The following TTN variants were observed in gnomAD, a reference collection of about 807,000 sequenced individuals.
TTN encodes the protein titin, also known as connectin.
A neutral mutation model predicts 3,223.0 loss-of-function variants in TTN; 1,525 were observed. That is an observed-to-expected ratio of 0.47 (90% CI 0.45 to 0.49). The LOEUF is 0.49. Among genes scored for constraint, TTN ranks in the 20% least tolerant of loss-of-function variants. TTN has a pLI of 0.00. For missense variants in TTN, 40,786 were observed against 43,424.0 expected (o/e 0.94, Z 5.40); for synonymous variants, 14,094 against 15,161.0 (o/e 0.93, Z 5.17).
chr2:178,731,409 C>A lies in TTN; in HGVS notation c.17357G>T (p.Ser5786Ile), dbSNP rs1553924253. The change falls in exon 59 of 363, where the codon AGT becomes ATT. Residue 5786 changes from serine (S) to isoleucine (I), a missense_variant. Coordinates refer to ENST00000589042, the MANE Select transcript of TTN (RefSeq NM_001267550.2). ...GACTTCAATGCCACTGAGGTACAAA[C>A]TGGCCACATTGTTCTCAAAGGTCAT... is the stretch of plus-strand genomic sequence containing the variant. ...IRMTFENNVA[S>I]LYLSGIEVKH... is the part of the protein sequence containing the mutation. 3.1e-6 allele frequency: 5 copies of A among 1,613,820 alleles called. No homozygotes were observed. The East Asian group carries it at 6.7e-5, about 22-fold the overall frequency.
chr2:178,553,790 C>A lies in TTN; in HGVS notation c.89215G>T (p.Ala29739Ser). ...GTTGAATCTGCGATTCTTATCTTAG[C>A]AGGTGGACCTGGAGGATCTGGAATG... The part of the protein sequence containing the change: ...ADPIDPPGPP[A>S]KIRIADSTKS... Residue 29739 changes from alanine to serine, a missense_variant, in exon 334 of 363, where the codon GCT becomes TCT. By Grantham distance (99) the Ala-to-Ser change is moderately conservative. Transcript: ENST00000589042. 1 of 1,598,752 alleles carries A rather than the reference C, an allele frequency of 6.3e-7. No individual in the cohort carries two copies. Among genetic ancestry groups the A allele is most frequent in the Non-Finnish European group, 8.5e-7 (1 of 1,171,356 alleles).
rs775357802 is a variant in TTN at position 178,587,164 on chromosome 2, G to A, written c.64047C>T (p.Gly21349=). ...RVTAVNEYGP[G]VPTDVPKPVL... is the part of the protein sequence containing the mutation. ...CTGGTTTTGGGACATCTGTTGGGACGCCAGGGCCATATTCGTTGACAGCAG... is the reference window on the plus strand; with the variant it reads ...CTGGTTTTGGGACATCTGTTGGGACACCAGGGCCATATTCGTTGACAGCAG... The change falls in exon 307 of 363, where the codon GGC becomes GGT. Residue 21349 remains glycine, a synonymous_variant. Coordinates refer to ENST00000589042, the MANE Select transcript of TTN (RefSeq NM_001267550.2). 7.4e-6 allele frequency: 12 copies of A among 1,613,098 alleles called. No individual in the cohort carries two copies. Among genetic ancestry groups the A allele is most frequent in the Middle Eastern group, 1.6e-4 (1 of 6,076 alleles).
chr2:178,768,905 G>A lies in TTN; in HGVS notation c.8931C>T (p.Asp2977=), dbSNP rs1366405933. ...TPIMITSMLK[D]INAEEKDTIT... is the part of the protein sequence containing the mutation. ...TAGTGTCTTTTTCTTCAGCGTTGAT[G>A]TCTTTCAGCATGGAAGTAATCATGA... Residue 2977 remains aspartate, a synonymous_variant, in exon 38 of 363, where the codon GAC becomes GAT. Coordinates refer to ENST00000589042, the MANE Select transcript of TTN (RefSeq NM_001267550.2). 3 of 1,613,792 alleles carry A rather than the reference G, an allele frequency of 1.9e-6. No individual in the cohort carries two copies. The highest frequency in any genetic ancestry group is 4.5e-5 in the East Asian group (2 of 44,822).
rs1705903957 is a variant in TTN at position 178,566,463 on chromosome 2, G to C, written c.79669C>G (p.Gln26557Glu). ...RFEISKLTEH[Q>E]EYKIRVCALN... ...GCACAGACTCGTATTTTATACTCTTGGTGTTCAGTGAGTTTTGAAATTTCA... is the reference window on the plus strand; with the variant it reads ...GCACAGACTCGTATTTTATACTCTTCGTGTTCAGTGAGTTTTGAAATTTCA... Residue 26557 changes from glutamine to glutamate, a missense_variant, in exon 326 of 363, where the codon CAA becomes GAA. Coordinates refer to ENST00000589042, the MANE Select transcript of TTN (RefSeq NM_001267550.2). 6.2e-7 allele frequency: 1 copy of C among 1,613,408 alleles called. No homozygotes were observed. Among genetic ancestry groups the C allele is most frequent in the Non-Finnish European group, 8.5e-7 (1 of 1,179,684 alleles).
At chr2:178,805,286 G>A (rs1348145172) in intron 1 of TTN, among the ~76,000 whole-genome samples, 3 of 146,334 alleles carry the variant, frequency 2.1e-5, no homozygotes, top group African/African-American at 5.1e-5. Context: ...GGAGGTTGCA[G>A]TGAGCAAAGA....
chr2:178,745,821 T>C (rs766212039), intron 47 of TTN: 7 of 1,613,272 alleles, frequency 4.3e-6, no homozygotes, highest in East Asian at 2.2e-5. Context: ...GCTGTACCTA[T>C]TGGTGCATAA....
chr2:178,563,010 T>G lies in TTN; in HGVS notation c.83122A>C (p.Lys27708Gln). 6.2e-7 allele frequency: 1 copy of G among 1,613,704 alleles called. No individual in the cohort carries two copies. Among genetic ancestry groups the G allele is most frequent in the Non-Finnish European group, 8.5e-7 (1 of 1,179,706 alleles). ...TIKGRPEPEV[K>Q]WEKAEGILTD... The stretch of plus-strand genomic sequence containing the variant: ...AGAATGCCTTCTGCCTTTTCCCATT[T>G]AACTTCGGGTTCTGGTCGACCTTTG... Residue 27708 changes from lysine (K) to glutamine (Q), a missense_variant, in exon 326 of 363, where the codon AAA (lysine) becomes CAA (glutamine). By Grantham distance (53) the Lys-to-Gln change is moderately conservative (BLOSUM62 1). Transcript: ENST00000589042. The surrounding 1 kb of genome is among the most constrained non-coding windows in gnomAD (Gnocchi z 4.5).
chr2:178,598,922 T>C lies in TTN; in HGVS notation c.56788A>G (p.Arg18930Gly), dbSNP rs727503595. 6.2e-6 allele frequency: 10 copies of C among 1,612,938 alleles called. No homozygotes were observed. The highest frequency in any genetic ancestry group is 8.5e-6 in the Non-Finnish European group (10 of 1,179,472). The part of the protein sequence containing the change: ...WLEMKDTTSK[R>G]WKRVNRDPIK... ...GGATCTCGGTTAACTCTCTTCCATC[T>C]CTTTGAAGTGGTGTCTTTCATTTCC... Residue 18930 changes from arginine to glycine, a missense_variant, in exon 291 of 363, where the codon AGA becomes GGA. Transcript: ENST00000589042.
In TTN at chr2:178,724,533, C is replaced by T. The variant is rs147210608; in HGVS notation, c.20842G>A (p.Ala6948Thr). Residue 6948 changes from alanine (A) to threonine (T), a missense_variant, in exon 72 of 363, where the codon GCA becomes ACA. Transcript: ENST00000589042. The stretch of plus-strand genomic sequence containing the variant: ...GGTCCTGCCTTCTCAACAATGACTG[C>T]GGGCTCTGAAATAAAACGTGATATC... ...NMATLMVLEP[A>T]VIVEKAGPMT... is the part of the protein sequence containing the mutation. The T allele has an allele frequency of 2.5e-5, 39 of 1,582,702 alleles. No individual in the cohort carries two copies. The highest frequency in any genetic ancestry group is 7.1e-5 in the Admixed American group (4 of 56,598).
In TTN at chr2:178,576,619, T is replaced by A. The variant is rs748901361; in HGVS notation, c.69625A>T (p.Thr23209Ser). 2 of 1,613,586 alleles carry A rather than the reference T, an allele frequency of 1.2e-6. No homozygotes were observed. The highest frequency in any genetic ancestry group is 1.7e-6 in the Non-Finnish European group (2 of 1,179,622). Reference protein sequence around the residue: ...CKVTGLQEGSTYEFRVSAENR... With the variant: ...CKVTGLQEGSSYEFRVSAENR... ...TCTGCACTGACACGGAATTCGTAGG[T>A]GCTTCCTTCTTGCAGTCCTGTTACT... The change falls in exon 325 of 363, where the codon ACC becomes TCC. Residue 23209 changes from threonine (T) to serine (S), a missense_variant. Thr to Ser is a moderately conservative substitution (Grantham distance 58). Coordinates refer to ENST00000589042, the MANE Select transcript of TTN (RefSeq NM_001267550.2). This position sits in a 1 kb window ranked among gnomAD's most constrained non-coding sequence, Gnocchi z 4.3.
At position 178,728,204 on chromosome 2, in the gene TTN, A is replaced by G. The variant is rs2154306306; in HGVS notation, c.19620T>C (p.Val6540=). The G allele has an allele frequency of 6.2e-7, 1 of 1,612,860 alleles. No individual in the cohort carries two copies. The highest frequency in any genetic ancestry group is 8.5e-7 in the Non-Finnish European group (1 of 1,179,350). The change falls in exon 67 of 363, where the codon GTT becomes GTC. Residue 6540 remains valine (V), a synonymous_variant. Coordinates refer to ENST00000589042, the MANE Select transcript of TTN (RefSeq NM_001267550.2). ...VCHERSVSLE[V]NNLELEDTAN... is the part of the protein sequence containing the mutation. ...CAGTATCTTCTAATTCCAGATTATTAACTTCCAGAGACACAGATCTCTCAT... is the reference window on the plus strand; with the variant it reads ...CAGTATCTTCTAATTCCAGATTATTGACTTCCAGAGACACAGATCTCTCAT...
At chr2:178,665,837 TA>T in intron 163 of TTN, 46 bp from the exon 164 acceptor site, 1 of 1,010,282 alleles carries the variant, frequency 9.9e-7, no homozygotes, top group Non-Finnish European at 1.3e-6. Flanking sequence ...TGAAGAGGAG[TA>T]AAGAGTTCCC....
rs1560304370 is a variant in TTN, at chr2:178,678,171, CT to C, written c.33947del (p.Lys11316ArgfsTer28). 6.2e-7 allele frequency: 1 copy of C among 1,611,198 alleles called. No homozygotes were observed. Among genetic ancestry groups the C allele is most frequent in the African/African-American group, 1.3e-5 (1 of 74,662 alleles). On this transcript the variant is annotated frameshift_variant, in exon 145 of 363. Transcript: ENST00000589042. LOFTEE classifies it high-confidence loss of function. ...EVPKKLIPEE[K>X]KPTPVPKKVE... ...CTTTTTTCGGAACAGGTGTTGGTTT[CT>C]TTTCTTCTGGGATGAGCTTCTTGGG...
Position 178,790,118 on chromosome 2 carries a change from GA to G in TTN, c.1801-4del, listed in dbSNP as rs759286606. ...GTTTTCCTAGTTTCCTTCATTATCTGATCATACAAAAGAAAGTAAGAAAATA... is the reference window on the plus strand; with the variant it reads ...GTTTTCCTAGTTTCCTTCATTATCTGTCATACAAAAGAAAGTAAGAAAATA... On this transcript the variant is annotated splice_polypyrimidine_tract_variant and splice_region_variant and intron_variant, in intron 11 of 362. Coordinates refer to ENST00000589042, the MANE Select transcript of TTN (RefSeq NM_001267550.2). The G allele has an allele frequency of 4.3e-6, 7 of 1,611,388 alleles. No individual in the cohort carries two copies. In the Admixed American group the frequency reaches 1.2e-4, roughly 27 times the overall value.
At position 178,564,289 on chromosome 2, in the gene TTN, A is replaced by G. The variant is rs2154162424; in HGVS notation, c.81843T>C (p.Tyr27281=). The change falls in exon 326 of 363, where the codon TAT becomes TAC. Residue 27281 remains tyrosine, a synonymous_variant. Transcript: ENST00000589042. The stretch of plus-strand genomic sequence containing the variant: ...CTGCATGAACAACGATGACATCTTT[A>G]TATTTTGGATCCAGAGAGGCATTTG... ...DAPNASLDPK[Y]KDVIVVHAGE... is the part of the protein sequence containing the mutation. 1 of 1,613,526 alleles carries G rather than the reference A, an allele frequency of 6.2e-7. No individual in the cohort carries two copies. The highest frequency in any genetic ancestry group is 8.5e-7 in the Non-Finnish European group (1 of 1,179,768).
intron 282 of TTN, 76 bp from the exon 283 acceptor site, chr2:178,602,666 A>T: frequency 1.8e-6 from 2 of 1,085,760 alleles, no homozygotes; most frequent in Admixed American, 3.6e-5. Context: ...ACTACACATG[A>T]TCATATATTA....
rs1363456492 is a variant in TTN at position 178,526,890 on chromosome 2, C to T, written c.*122G>A. 4 of 865,414 alleles carry T rather than the reference C, an allele frequency of 4.6e-6. No individual in the cohort carries two copies. The highest frequency in any genetic ancestry group is 3.5e-5 in the African/African-American group (2 of 57,808). The allele number at this position is 865,414 out of a possible 1,614,324, so 53.6% of individuals were successfully genotyped here. A position where few individuals can be genotyped will look rare whatever the true frequency, so the allele number is the denominator to read the frequency against. On this transcript the variant is annotated 3_prime_UTR_variant, in exon 363 of 363. Transcript: ENST00000589042. ...AAATGAATATTTTTGAACTTTGACT[C>T]ATTTAGGTTGATACAAAACTACTTT...
In TTN at chr2:178,617,939, CCTGATAGAAGTCTTGTCT is replaced by C. The variant is rs398124453; in HGVS notation, c.47394_47411del (p.Asp15799_Arg15804del). 5.0e-6 allele frequency: 8 copies of C among 1,612,720 alleles called. No individual in the cohort carries two copies. Among genetic ancestry groups the C allele is most frequent in the African/African-American group, 1.3e-5 (1 of 74,926 alleles). ...CTCTCACAGTCATGGCAGTATCCCA[CCTGATAGAAGTCTTGTCT>C]CTTAATTCAATGACGTAGTTTGTGA... is the stretch of plus-strand genomic sequence containing the variant. On this transcript the variant is annotated inframe_deletion, in exon 253 of 363. Coordinates refer to ENST00000589042, the MANE Select transcript of TTN (RefSeq NM_001267550.2).
At position 178,584,459 on chromosome 2, in the gene TTN, G is replaced by A. The variant is rs72646861; in HGVS notation, c.65092C>T (p.Arg21698Cys). The change falls in exon 311 of 363, where the codon CGC becomes TGC. Residue 21698 changes from arginine (R) to cysteine (C), a missense_variant. Arg to Cys is a radical substitution (Grantham distance 180, BLOSUM62 -3). Transcript: ENST00000589042. The part of the protein sequence containing the change: ...GSPIIGYLIE[R>C]KERNSLLWVK... The stretch of plus-strand genomic sequence containing the variant: ...CACAGCAAACTGTTTCTTTCCTTGC[G>A]TTCAATCAGATAACCAATAATGGGG... 4.4e-3 allele frequency: 7,062 copies of A among 1,613,262 alleles called. 109 individuals are homozygous for A. The highest frequency in any genetic ancestry group is 0.035 in the South Asian group (3,205 of 91,072).
Sources: allele counts gnomAD v4.1 joint callset (sites outside exome capture counted in the v4.1 genomes callset), GRCh38; gene constraint gnomAD v4.1.1; non-coding constraint Gnocchi (gnomAD v3.1); transcripts MANE v1.5; gene names NCBI Gene and HGNC (gene_info 2026-07-23, HGNC 2026-07-21).